PPP2R5E: variants seen among roughly 807,000 people sequenced by gnomAD.
PPP2R5E encodes the protein serine/threonine-protein phosphatase 2A 56 kDa regulatory subunit epsilon isoform.
In PPP2R5E, 4 loss-of-function variants were observed where a neutral mutation model predicts 65.3. That is an observed-to-expected ratio of 0.06 (90% CI 0.03 to 0.14). PPP2R5E has a LOEUF of 0.14. PPP2R5E is among the 10% of genes least tolerant of loss of function. The pLI, the probability that PPP2R5E is intolerant of heterozygous loss-of-function variation, is 1.00. For missense variants in PPP2R5E, 274 were observed against 556.1 expected (o/e 0.49, Z 5.10); for synonymous variants, 183 against 187.4 (o/e 0.98, Z 0.19).
At chr14:63,542,242 G>A (rs1283166113) in intron 1 of PPP2R5E, among the ~76,000 whole-genome samples, 1 of 152,144 alleles carries the variant, frequency 6.6e-6, no homozygotes. Context: ...GTAACAGCGG[G>A]TCCGTGCAAA....
intron 4 of PPP2R5E, among the ~76,000 whole-genome samples, chr14:63,418,813 C>T (rs1200961179): frequency 6.8e-6 from 1 of 147,228 alleles, no homozygotes; most frequent in African/African-American, 2.5e-5. Context: ...AAAAGATCCA[C>T]AATTTGTTAT....
chr14:63,526,687 G>T (rs143988465), intron 2 of PPP2R5E, among the ~76,000 whole-genome samples: 6 of 152,288 alleles, frequency 3.9e-5, no homozygotes, highest in Middle Eastern at 3.4e-3. Context: ...CTGCAGAGTA[G>T]CTGGGACGAC....
intron 2 of PPP2R5E, among the ~76,000 whole-genome samples, chr14:63,501,381 G>A (rs1165178537): frequency 1.3e-5 from 2 of 150,982 alleles, no homozygotes. Flanking sequence ...CTCCAGCCTG[G>A]GCGACAGAGC....
intron 12 of PPP2R5E, among the ~76,000 whole-genome samples, chr14:63,383,135 C>G (rs924931853): frequency 6.6e-6 from 1 of 152,180 alleles, no homozygotes; most frequent in African/African-American, 2.4e-5. Flanking sequence ...CCATACTTAA[C>G]AAGAATTAGC....
intron 2 of PPP2R5E, among the ~76,000 whole-genome samples, chr14:63,485,901 C>T (rs1399800784): frequency 6.7e-6 from 1 of 149,540 alleles, no homozygotes; most frequent in Non-Finnish European, 1.5e-5. Context: ...ACGACCTCAG[C>T]TCACTGTAAC....
chr14:63,505,060 C>T (rs757172849), intron 2 of PPP2R5E, among the ~76,000 whole-genome samples: 29 of 152,116 alleles, frequency 1.9e-4, no homozygotes, highest in Non-Finnish European at 3.2e-4. Flanking sequence ...ACCGGCCGGG[C>T]GTGGTGGCTC....
At chr14:63,513,152 G>A (rs960914183) in intron 2 of PPP2R5E, among the ~76,000 whole-genome samples, 1 of 152,244 alleles carries the variant, frequency 6.6e-6, no homozygotes, top group South Asian at 2.1e-4. Flanking sequence ...GTTTATACTT[G>A]ACATGTGGAA....
At position 63,437,163 on chromosome 14, in the gene PPP2R5E, G is replaced by A. The variant is rs536105638; in HGVS notation, c.355-15069C>T. Among the ~76,000 whole-genome samples, 390 of 152,286 alleles carry A rather than the reference G, an allele frequency of 2.6e-3. 1 individual carries two copies. The highest frequency in any genetic ancestry group is 8.9e-3 in the African/African-American group (369 of 41,554). On this transcript the variant is annotated intron_variant, in intron 3 of 13. Coordinates refer to ENST00000337537, the MANE Select transcript of PPP2R5E (RefSeq NM_006246.5). ...TTTACAAATGCCATGGCAATGTCAAGAAGTTACCCTATATGGTCTAAAAGG... is the reference window on the plus strand; with the variant it reads ...TTTACAAATGCCATGGCAATGTCAAAAAGTTACCCTATATGGTCTAAAAGG...
At chr14:63,410,589 G>T (rs1190794279) in intron 5 of PPP2R5E, among the ~76,000 whole-genome samples, 1 of 152,154 alleles carries the variant, frequency 6.6e-6, no homozygotes, top group Non-Finnish European at 1.5e-5. Context: ...GATCTCAGGA[G>T]AACCAGTTAA....
chr14:63,497,034 T>C (rs916177272), intron 2 of PPP2R5E, among the ~76,000 whole-genome samples: 1 of 152,134 alleles, frequency 6.6e-6, no homozygotes, highest in South Asian at 2.1e-4. Context: ...CCCACAGCTC[T>C]AGCCAGTTTA....
At chr14:63,507,636 G>C (rs1351607136) in intron 2 of PPP2R5E, among the ~76,000 whole-genome samples, 1 of 138,318 alleles carries the variant, frequency 7.2e-6, no homozygotes, top group Non-Finnish European at 1.5e-5. Flanking sequence ...CTGGAGTGCA[G>C]TGGTGTGATC....
intron 2 of PPP2R5E, among the ~76,000 whole-genome samples, chr14:63,465,605 G>A (rs1889755906): frequency 6.6e-6 from 1 of 152,134 alleles, no homozygotes; most frequent in Non-Finnish European, 1.5e-5. Context: ...CAGCCTCGGT[G>A]ACACGGTAAG....
intron 13 of PPP2R5E, among the ~76,000 whole-genome samples, chr14:63,379,082 G>A (rs1476145217): frequency 1.3e-5 from 2 of 150,402 alleles, no homozygotes; most frequent in Non-Finnish European, 3.0e-5. Context: ...AGGCTGGAGT[G>A]CAGTGGTGTA....
intron 2 of PPP2R5E, among the ~76,000 whole-genome samples, chr14:63,512,016 T>C (rs1366437784): frequency 6.9e-6 from 1 of 144,570 alleles, no homozygotes; most frequent in Non-Finnish European, 1.5e-5. Context: ...AAGGCAGAGG[T>C]TGCAGTGAGC....
chr14:63,487,040 C>T (rs1259281115), intron 2 of PPP2R5E, among the ~76,000 whole-genome samples: 1 of 152,208 alleles, frequency 6.6e-6, no homozygotes, highest in African/African-American at 2.4e-5. Flanking sequence ...TACAGCTGAA[C>T]TGTCTCAAAC....
chr14:63,533,210 C>A (rs1452920191), intron 2 of PPP2R5E, among the ~76,000 whole-genome samples: 9 of 152,166 alleles, frequency 5.9e-5, no homozygotes, highest in Non-Finnish European at 1.3e-4. Flanking sequence ...TATTATATTG[C>A]ATGTGCCTAC....
At chr14:63,514,486 A>G (rs1892586249) in intron 2 of PPP2R5E, among the ~76,000 whole-genome samples, 1 of 152,076 alleles carries the variant, frequency 6.6e-6, no homozygotes, top group South Asian at 2.1e-4. Flanking sequence ...ACATTACACA[A>G]AAACTCTCTT....
At chr14:63,464,783 G>A (rs1228922728) in intron 2 of PPP2R5E, among the ~76,000 whole-genome samples, 1 of 152,104 alleles carries the variant, frequency 6.6e-6, no homozygotes, top group Non-Finnish European at 1.5e-5. Flanking sequence ...GCACCTCGGG[G>A]AGGCCGAGGT....
chr14:63,520,859 CAAAAA>C (rs748146106), intron 2 of PPP2R5E, among the ~76,000 whole-genome samples: 4 of 58,522 alleles, frequency 6.8e-5, no homozygotes, highest in Non-Finnish European at 1.7e-4. Flanking sequence ...ACTAAAAATA[CAAAAA>C]AAAAAAAAAA....
Sources: gnomAD v4.1 joint callset for allele counts (sites outside exome capture counted in the v4.1 genomes callset) on GRCh38, gnomAD v4.1.1 for gene constraint, MANE v1.5 for transcripts, NCBI Gene and HGNC (gene_info 2026-07-23, HGNC 2026-07-21) for gene names.